WSCD2: variants seen among roughly 807,000 people sequenced by gnomAD.
WSCD2 encodes WSC domain sialate O sulfotransferase 2, also known as sialate:O-sulfotransferase 2.
WSCD2 carries 28 observed loss-of-function variants against 55.7 expected under a neutral mutation model. The observed-to-expected ratio is 0.50, with a 90% CI of 0.37 to 0.69. WSCD2 has a LOEUF of 0.69. WSCD2 is among the 30% of genes least tolerant of loss of function. WSCD2 has a pLI of 0.00. For missense variants in WSCD2, 616 were observed against 762.1 expected (o/e 0.81, Z 2.26); for synonymous variants, 301 against 301.9 (o/e 1.00, Z 0.03).
At chr12:108,208,041 G>T (rs1885639767) in intron 3 of WSCD2, among the ~76,000 whole-genome samples, 1 of 152,154 alleles carries the variant, frequency 6.6e-6, no homozygotes, top group South Asian at 2.1e-4. Flanking sequence ...CTCAGAGAAG[G>T]TGTCAGCCAA....
At chr12:108,229,296 C>T (rs1434150707) in intron 6 of WSCD2, among the ~76,000 whole-genome samples, 1 of 152,172 alleles carries the variant, frequency 6.6e-6, no homozygotes, top group South Asian at 2.1e-4. Context: ...CTTTTACCTG[C>T]CTTAAATCAT....
intron 3 of WSCD2, among the ~76,000 whole-genome samples, chr12:108,207,991 C>G (rs1370413741): frequency 6.6e-6 from 1 of 152,146 alleles, no homozygotes. Context: ...GTTAGACATG[C>G]AGACAAGGTC....
Position 108,221,733 on chromosome 12 carries a change from C to T in WSCD2, c.683-3006C>T, listed in dbSNP as rs77296195. On this transcript the variant is annotated intron_variant, in intron 4 of 8. Transcript: ENST00000547525. ...AGTGGCCTCAAATCATTGGAGCAGG[C>T]GTTCCCACACCTCTTTGAATGTTCT... Among the ~76,000 whole-genome samples the T allele has an allele frequency of 2.9e-3, 442 of 152,326 alleles. 1 individual carries two copies. Among genetic ancestry groups the T allele is most frequent in the Admixed American group, 4.5e-3 (69 of 15,302 alleles).
intron 1 of WSCD2, among the ~76,000 whole-genome samples, chr12:108,174,958 T>G (rs1880634381): frequency 2.6e-5 from 4 of 152,170 alleles, no homozygotes; most frequent in Admixed American, 1.3e-4. Flanking sequence ...TGTCAGTCAC[T>G]GTGGTGGGAG....
intron 6 of WSCD2, among the ~76,000 whole-genome samples, chr12:108,229,391 CT>C (rs1235117594): frequency 6.6e-6 from 1 of 152,218 alleles, no homozygotes; most frequent in East Asian, 1.9e-4. Context: ...GGTTGAGTAA[CT>C]TGGCCAAAGT....
intron 1 of WSCD2, among the ~76,000 whole-genome samples, chr12:108,168,441 C>T (rs1253952859): frequency 3.9e-5 from 6 of 152,212 alleles, no homozygotes; most frequent in Admixed American, 6.5e-5. Context: ...CATCTCTTAT[C>T]CCAAGACTGA....
rs188793808 is a variant in WSCD2, at chr12:108,209,137, C to T, written c.498-984C>T. The stretch of plus-strand genomic sequence containing the variant: ...TTTACAGAGTGGGGTAGCCACTAAG[C>T]GTCCTTTTTAGGAAAGGATTCCATC... On this transcript the variant is annotated intron_variant, in intron 3 of 8. Transcript: ENST00000547525. 4.6e-5 allele frequency among the ~76,000 whole-genome samples: 7 copies of T among 152,088 alleles called. No individual in the cohort carries two copies. The East Asian group carries it at 1.2e-3, about 25-fold the overall frequency.
chr12:108,159,854 C>T (rs909576874), intron 1 of WSCD2, among the ~76,000 whole-genome samples: 4 of 152,224 alleles, frequency 2.6e-5, no homozygotes, highest in African/African-American at 9.7e-5. Context: ...TTCTCCTATA[C>T]AATCTGCCCC....
intron 4 of WSCD2, among the ~76,000 whole-genome samples, chr12:108,212,624 C>G (rs1217176802): frequency 1.3e-5 from 2 of 150,928 alleles, no homozygotes; most frequent in Non-Finnish European, 2.9e-5. Flanking sequence ...CACACACACA[C>G]ACACACACAC....
intron 1 of WSCD2, among the ~76,000 whole-genome samples, chr12:108,147,110 A>T (rs1672548078): frequency 6.6e-6 from 1 of 152,182 alleles, no homozygotes. Context: ...GGGAAACTGG[A>T]TCCCAGGCAA....
Position 108,210,411 on chromosome 12 carries a change from C to G in WSCD2, c.682+106C>G. The G allele has an allele frequency of 7.2e-7, 1 of 1,396,614 alleles. No homozygotes were observed. The highest frequency in any genetic ancestry group is 9.5e-7 in the Non-Finnish European group (1 of 1,048,630). 86.5% of individuals were successfully genotyped at this position (1,396,614 alleles called of 1,614,324 possible). ...CCCTGTACCCTCCATGGCTCCCCAT[C>G]ACTCCAAGGCCACCACCGTCCTGCC... On this transcript the variant is annotated intron_variant, in intron 4 of 8. Coordinates refer to ENST00000547525, the MANE Select transcript of WSCD2 (RefSeq NM_014653.4). The surrounding 1 kb of genome is among the most constrained non-coding windows in gnomAD (Gnocchi z 4.3).
At chr12:108,184,394 T>G (rs1488818811) in intron 1 of WSCD2, among the ~76,000 whole-genome samples, 1 of 152,190 alleles carries the variant, frequency 6.6e-6, no homozygotes, top group East Asian at 1.9e-4. Context: ...CAGTTATTTT[T>G]CACTCCTGGT....
intron 4 of WSCD2, among the ~76,000 whole-genome samples, chr12:108,211,650 T>TATAC (rs1491203752): frequency 0.021 from 2,590 of 124,636 alleles, 81 homozygotes; most frequent in African/African-American, 0.069. Context: ...TATATATATA[T>TATAC]ACATATATAT....
chr12:108,132,551 T>C (rs927120554), intron 1 of WSCD2, among the ~76,000 whole-genome samples: 2 of 152,146 alleles, frequency 1.3e-5, no homozygotes, highest in African/African-American at 2.4e-5. Context: ...TGCAAGAGAA[T>C]TGGTGCATTT....
chr12:108,227,267 A>C, intron 6 of WSCD2, 103 bp downstream of exon 6: 1 of 1,386,730 alleles, frequency 7.2e-7, no homozygotes. Flanking sequence ...AGCAAGGAGA[A>C]AACCATGCAA....
chr12:108,138,155 G>A (rs1020261698), intron 1 of WSCD2, among the ~76,000 whole-genome samples: 2 of 152,192 alleles, frequency 1.3e-5, no homozygotes, highest in Non-Finnish European at 2.9e-5. Flanking sequence ...GTGGGCACAT[G>A]CAGAAACCAG....
intron 4 of WSCD2, among the ~76,000 whole-genome samples, chr12:108,211,629 C>CCATATATATATATATATATATACA (rs1565969926): frequency 1.8e-5 from 1 of 54,886 alleles, no homozygotes; most frequent in African/African-American, 5.2e-5. Flanking sequence ...GTTTCAAATC[C>CCATATATATATATATATATATACA]CATATATATA....
intron 1 of WSCD2, among the ~76,000 whole-genome samples, chr12:108,192,251 A>T (rs1883270694): frequency 6.6e-6 from 1 of 152,204 alleles, no homozygotes; most frequent in Non-Finnish European, 1.5e-5. Context: ...TCCTTCCAGC[A>T]ACATACTTTT....
At chr12:108,181,968 G>C (rs1387012050) in intron 1 of WSCD2, among the ~76,000 whole-genome samples, 1 of 152,212 alleles carries the variant, frequency 6.6e-6, no homozygotes, top group East Asian at 1.9e-4. Flanking sequence ...AAGGAACTAA[G>C]GCTTAGAGAG....
Sources: gnomAD v4.1 joint callset for allele counts (sites outside exome capture counted in the v4.1 genomes callset) on GRCh38, gnomAD v4.1.1 for gene constraint, Gnocchi (gnomAD v3.1) non-coding constraint, MANE v1.5 for transcripts, NCBI Gene and HGNC (gene_info 2026-07-23, HGNC 2026-07-21) for gene names.